CACNA1E: variants seen among roughly 807,000 people sequenced by gnomAD.
CACNA1E encodes calcium voltage-gated channel subunit alpha1 E.
In CACNA1E, 40 loss-of-function variants were observed where a neutral mutation model predicts 259.2. The ratio of observed to expected loss-of-function variants is 0.15; its 90% CI spans 0.12 to 0.20. CACNA1E has a LOEUF of 0.20. CACNA1E is among the 10% of genes least tolerant of loss of function. The pLI is 1.00. For missense variants in CACNA1E, 1,874 were observed against 3,040.1 expected (o/e 0.62, Z 9.02); for synonymous variants, 1,104 against 1,138.5 (o/e 0.97, Z 0.61).
At chr1:181,673,618 G>A (rs964308684) in intron 7 of CACNA1E, among the ~76,000 whole-genome samples, 1 of 152,202 alleles carries the variant, frequency 6.6e-6, no homozygotes, top group Non-Finnish European at 1.5e-5. Context: ...GAGCCGGAGA[G>A]CAGATGGTCC....
At position 181,366,642 on chromosome 1, in the gene CACNA1E, T is replaced by C. The variant is rs138797719; in HGVS notation, c.-14-46491T>C. Among the ~76,000 whole-genome samples, 459 of 152,252 alleles carry C rather than the reference T, an allele frequency of 3.0e-3. 2 individuals carry two copies. Among genetic ancestry groups the C allele is most frequent in the African/African-American group, 0.01 (434 of 41,500 alleles). The stretch of plus-strand genomic sequence containing the variant: ...CACTTTAGTGGGCTACGTGGCCGAC[T>C]GCAATTGCAAGGATTAGCAGTGTGA... On this transcript the variant is annotated intron_variant, in intron 1 of 11. Transcript: ENST00000524607.
chr1:181,561,086 A>G (rs959651623), intron 3 of CACNA1E, among the ~76,000 whole-genome samples: 2 of 152,152 alleles, frequency 1.3e-5, no homozygotes, highest in Non-Finnish European at 2.9e-5. Flanking sequence ...GGCTAGCAGG[A>G]GGGGAGAGTT....
chr1:181,387,874 G>A (rs1249185947), intron 1 of CACNA1E, among the ~76,000 whole-genome samples: 3 of 152,154 alleles, frequency 2.0e-5, no homozygotes, highest in African/African-American at 7.2e-5. Context: ...CCTGACCTCA[G>A]GACCTCTAAC....
At chr1:181,746,516 G>A (rs553931835) in intron 25 of CACNA1E, among the ~76,000 whole-genome samples, 3 of 152,302 alleles carry the variant, frequency 2.0e-5, no homozygotes, top group East Asian at 1.9e-4. Context: ...TTAGCTCCAA[G>A]CAATTAACCC....
intron 7 of CACNA1E, among the ~76,000 whole-genome samples, chr1:181,693,149 AAC>A (rs1465757145): frequency 0.077 from 9,839 of 127,794 alleles, 325 homozygotes; most frequent in South Asian, 0.17. Flanking sequence ...AAAAAAAAAA[AAC>A]AACAGATGCT....
intron 1 of CACNA1E, among the ~76,000 whole-genome samples, chr1:181,372,945 A>T (rs1351206064): frequency 6.6e-6 from 1 of 151,562 alleles, no homozygotes; most frequent in Non-Finnish European, 1.5e-5. Context: ...ACGTTTATTG[A>T]TTTGCATATG....
upstream of CACNA1E, among the ~76,000 whole-genome samples, chr1:181,482,934 G>C (rs980400589): frequency 6.6e-6 from 1 of 152,284 alleles, no homozygotes; most frequent in Non-Finnish European, 1.5e-5. Flanking sequence ...CTCAGGCTTC[G>C]CTGCTCTCTG....
intron 6 of CACNA1E, among the ~76,000 whole-genome samples, chr1:181,605,646 AC>A (rs954304042): frequency 1.3e-5 from 2 of 151,986 alleles, no homozygotes; most frequent in East Asian, 3.8e-4. Context: ...TATTTCTGAC[AC>A]CCCCCAGCAG....
At chr1:181,363,798 A>C (rs1469000046) in intron 1 of CACNA1E, among the ~76,000 whole-genome samples, 1 of 152,224 alleles carries the variant, frequency 6.6e-6, no homozygotes, top group African/African-American at 2.4e-5. Context: ...GAAACAAGGC[A>C]TGCAGAAGCT....
chr1:181,537,084 C>G (rs970216837), intron 3 of CACNA1E, among the ~76,000 whole-genome samples: 7 of 112,696 alleles, frequency 6.2e-5, no homozygotes, highest in African/African-American at 2.0e-4. Context: ...GCCGTGGTTT[C>G]TTTTTCTTTT....
At chr1:181,624,853 A>G (rs911787808) in intron 6 of CACNA1E, among the ~76,000 whole-genome samples, 1 of 152,184 alleles carries the variant, frequency 6.6e-6, no homozygotes, top group African/African-American at 2.4e-5. Context: ...CCATTAGAGG[A>G]ATCACTATGG....
chr1:181,451,073 G>A (rs931044743), intron 2 of CACNA1E, among the ~76,000 whole-genome samples: 2 of 152,210 alleles, frequency 1.3e-5, no homozygotes, highest in Non-Finnish European at 2.9e-5. Flanking sequence ...TGGAGGCATG[G>A]GGTGGAAAGA....
At chr1:181,554,052 G>A (rs1469174759) in intron 3 of CACNA1E, among the ~76,000 whole-genome samples, 1 of 152,088 alleles carries the variant, frequency 6.6e-6, no homozygotes, top group Non-Finnish European at 1.5e-5. Context: ...ACTCTGTCAT[G>A]CAGGCTGGAG....
chr1:181,697,345 A>G (rs1651809183), intron 7 of CACNA1E, among the ~76,000 whole-genome samples: 1 of 152,238 alleles, frequency 6.6e-6, no homozygotes, highest in South Asian at 2.1e-4. Flanking sequence ...ATGATCTTGA[A>G]CAGATTCTTA....
intron 1 of CACNA1E, among the ~76,000 whole-genome samples, chr1:181,358,197 C>T (rs988243338): frequency 6.6e-6 from 1 of 152,182 alleles, no homozygotes; most frequent in African/African-American, 2.4e-5. Context: ...CTACAATGGC[C>T]TAAGCAGTCT....
intron 2 of CACNA1E, among the ~76,000 whole-genome samples, chr1:181,468,588 C>A (rs1222631899): frequency 6.6e-6 from 1 of 152,134 alleles, no homozygotes; most frequent in Non-Finnish European, 1.5e-5. Flanking sequence ...ATGAATGAGC[C>A]AAGCCCCTTG....
intron 1 of CACNA1E, among the ~76,000 whole-genome samples, chr1:181,409,413 G>A (rs897214136): frequency 6.6e-6 from 1 of 152,148 alleles, no homozygotes; most frequent in Non-Finnish European, 1.5e-5. Context: ...AACCATAGAG[G>A]GCCAGGAAGT....
At position 181,733,704 on chromosome 1, in the gene CACNA1E, C is replaced by T. The variant is rs755291819; in HGVS notation, c.3216C>T (p.Val1072=). The part of the protein sequence containing the change: ...KATTESTSVT[V]AIPDVDPLVD... ...CCACCGAGAGCACCAGCGTCACCGT[C>T]GCCATCCCCGACGTGGACCCCTTGG... Residue 1072 remains valine (V), a synonymous_variant, in exon 21 of 48, where the codon GTC becomes GTT. Transcript: ENST00000367573. The T allele has an allele frequency of 3.1e-6, 5 of 1,592,678 alleles. No individual in the cohort carries two copies. Among genetic ancestry groups the T allele is most frequent in the South Asian group, 1.1e-5 (1 of 87,602 alleles).
chr1:181,421,810 C>T (rs893423520), intron 2 of CACNA1E, among the ~76,000 whole-genome samples: 2 of 152,248 alleles, frequency 1.3e-5, no homozygotes, highest in African/African-American at 2.4e-5. Context: ...AAGCCACTAT[C>T]CTTTGGACCA....
Sources: gnomAD v4.1 joint callset for allele counts (sites outside exome capture counted in the v4.1 genomes callset) on GRCh38, gnomAD v4.1.1 for gene constraint, MANE v1.5 for transcripts, NCBI Gene and HGNC (gene_info 2026-07-23, HGNC 2026-07-21) for gene names.